The following ZNF728 variants were observed in gnomAD, a reference collection of about 807,000 sequenced individuals.
ZNF728 encodes the protein zinc finger protein 728.
ZNF728 carries 12 observed loss-of-function variants against 12.5 expected under a neutral mutation model. The ratio of observed to expected loss-of-function variants is 0.96; its 90% CI spans 0.61 to 1.55. ZNF728 has a LOEUF of 1.55. Among genes scored for constraint, ZNF728 ranks in the 40% most tolerant of loss-of-function variants. ZNF728 has a pLI of 0.00. For synonymous variants in ZNF728, 205 were observed against 240.7 expected (o/e 0.85, Z 1.37); for missense variants, 692 against 719.2 (o/e 0.96, Z 0.43).
chr19:22,991,570 C>A (rs1444263741), intron 1 of ZNF728, among the ~76,000 whole-genome samples: 1 of 152,112 alleles, frequency 6.6e-6, no homozygotes, highest in African/African-American at 2.4e-5. Flanking sequence ...AATGTTTCTG[C>A]AAGCACTGGT....
chr19:23,001,905 C>T (rs2145358391), intron 1 of ZNF728, among the ~76,000 whole-genome samples: 1 of 152,228 alleles, frequency 6.6e-6, no homozygotes, highest in African/African-American at 2.4e-5. Context: ...ACTTGAGGCC[C>T]TACTTGGGAC....
rs770182533 is a variant in ZNF728 at position 22,976,222 on chromosome 19, T to C, written c.1115A>G (p.Glu372Gly). The change falls in exon 4 of 4, where the codon GAA becomes GGA. Residue 372 changes from glutamate (E) to glycine (G), a missense_variant. Glu to Gly is a moderately conservative substitution (Grantham distance 98). Around this residue, in one of 3 missense-constraint regions of ZNF728, gnomAD observed 440 missense variants for 459.6 expected, o/e 0.96. Transcript: ENST00000594710. ...GGGCCAGCTGAAGGCTTTGCCACAT[T>C]CTTCACATTTGTAGGGTTTCTCTCC... ...HTGEKPYKCEECGKAFSWPSS... is the reference protein window; with the variant it reads ...HTGEKPYKCEGCGKAFSWPSS... 1 of 1,613,494 alleles carries C rather than the reference T, an allele frequency of 6.2e-7. No homozygotes were observed. Among genetic ancestry groups the C allele is most frequent in the Non-Finnish European group, 8.5e-7 (1 of 1,179,838 alleles).
chr19:22,988,536 A>C (rs941039982), intron 1 of ZNF728, 85 bp from the exon 2 acceptor site: 3 of 1,566,420 alleles, frequency 1.9e-6, no homozygotes. Flanking sequence ...TGGAAAGAGT[A>C]AAAAGAGCTC....
chr19:22,996,948 G>A (rs1303861580), intron 1 of ZNF728, among the ~76,000 whole-genome samples: 2 of 152,044 alleles, frequency 1.3e-5, no homozygotes, highest in African/African-American at 4.8e-5. Context: ...ATGTTTATGG[G>A]GGGAAAAGCA....
chr19:23,001,689 A>T (rs141545500), intron 1 of ZNF728, among the ~76,000 whole-genome samples: 225 of 152,376 alleles, frequency 1.5e-3, no homozygotes, highest in African/African-American at 5.2e-3. Context: ...AAATATTTAC[A>T]AACAGAAAAC....
chr19:22,983,922 T>C (rs940873689), intron 3 of ZNF728, among the ~76,000 whole-genome samples: 12 of 152,176 alleles, frequency 7.9e-5, no homozygotes, highest in African/African-American at 2.6e-4. Context: ...GGTTGATGGG[T>C]ACAGCAAACC....
rs879057613 is a variant in ZNF728, at chr19:22,976,435, G to A, written c.902C>T (p.Ala301Val). 1.9e-6 allele frequency: 3 copies of A among 1,596,584 alleles called. No individual in the cohort carries two copies. Among genetic ancestry groups the A allele is most frequent in the Non-Finnish European group, 2.6e-6 (3 of 1,174,158 alleles). The part of the protein sequence containing the change: ...KAFSKASTLT[A>V]HKTIHAGEKP... ...CTCTCCAGCATGAATTGTCTTATGT[G>A]CAGTAAGGGTTGAGGCCTTACTAAA... is the stretch of plus-strand genomic sequence containing the variant. Residue 301 changes from alanine to valine, a missense_variant, in exon 4 of 4, where the codon GCA (alanine) becomes GTA (valine). Physicochemically the swap from Ala to Val is moderately conservative, Grantham distance 64. This residue lies in a region of ZNF728 where 440 missense variants were observed against 459.6 expected (regional missense o/e 0.96). Transcript: ENST00000594710.
chr19:22,976,523 T>G lies in ZNF728; in HGVS notation c.814A>C (p.Ile272Leu). The G allele has an allele frequency of 6.2e-7, 1 of 1,612,920 alleles. No individual in the cohort carries two copies. The highest frequency in any genetic ancestry group is 8.5e-7 in the Non-Finnish European group (1 of 1,179,938). The change falls in exon 4 of 4, where the codon ATT becomes CTT. Residue 272 changes from isoleucine (I) to leucine (L), a missense_variant. Physicochemically the swap from Ile to Leu is conservative, Grantham distance 5 (BLOSUM62 2). Coordinates refer to ENST00000594710, the MANE Select transcript of ZNF728 (RefSeq NM_001267716.2). ...CCAGCATGACTTCTCTTATGTTCAA[T>G]AAGGCTTGAGGACCGGGTGAAGGCT... ...GKAFTRSSSLIEHKRSHAGEK... is the reference protein window; with the variant it reads ...GKAFTRSSSLLEHKRSHAGEK...
chr19:23,003,017 G>T lies in ZNF728; in HGVS notation c.3+11C>A, dbSNP rs777387077. 1 of 1,583,734 alleles carries T rather than the reference G, an allele frequency of 6.3e-7. No homozygotes were observed. Among genetic ancestry groups the T allele is most frequent in the Non-Finnish European group, 8.6e-7 (1 of 1,165,576 alleles). On this transcript the variant is annotated intron_variant, in intron 1 of 3. Transcript: ENST00000594710. Reference sequence around the variant, plus strand: ...GCCACTCTCTCGGGATGTCGGACCCGGCTGACTCACCATTTCTAGGCTTCC... The same window carrying T: ...GCCACTCTCTCGGGATGTCGGACCCTGCTGACTCACCATTTCTAGGCTTCC...
At chr19:22,988,650 G>C (rs1968946708) in intron 1 of ZNF728, among the ~76,000 whole-genome samples, 199 bp from the exon 2 acceptor site, 1 of 152,198 alleles carries the variant, frequency 6.6e-6, no homozygotes, top group Non-Finnish European at 1.5e-5. Flanking sequence ...AGTGGTATAA[G>C]ATCCATAACA....
At chr19:22,999,579 T>C (rs1205386790) in intron 1 of ZNF728, among the ~76,000 whole-genome samples, 1 of 152,184 alleles carries the variant, frequency 6.6e-6, no homozygotes, top group African/African-American at 2.4e-5. Flanking sequence ...AAGCTTTAAT[T>C]ACCATGTCAG....
At chr19:22,979,287 A>G (rs1275322960) in intron 3 of ZNF728, among the ~76,000 whole-genome samples, 1 of 152,224 alleles carries the variant, frequency 6.6e-6, no homozygotes, top group Non-Finnish European at 1.5e-5. Context: ...AACTTAATGA[A>G]ATAAAGCAAG....
At chr19:23,001,538 G>GT (rs1205277132) in intron 1 of ZNF728, among the ~76,000 whole-genome samples, 1 of 152,148 alleles carries the variant, frequency 6.6e-6, no homozygotes, top group African/African-American at 2.4e-5. Context: ...GGGTATCTTG[G>GT]TTTTTCCCCA....
Position 22,976,940 on chromosome 19 carries a change from G to A in ZNF728, c.397C>T (p.Leu133Phe), listed in dbSNP as rs772539426. The change falls in exon 4 of 4, where the codon CTT becomes TTT. Residue 133 changes from leucine (L) to phenylalanine (F), a missense_variant. Physicochemically the swap from Leu to Phe is conservative, Grantham distance 22. Transcript: ENST00000594710. ...CKVHKKGYNK[L>F]NQSLTTTQSK... The stretch of plus-strand genomic sequence containing the variant: ...TGTGTAGTTGTCAAACTCTGGTTAA[G>A]CTTATTATAACCTTTTTTGTGCACC... The A allele has an allele frequency of 2.7e-5, 43 of 1,613,232 alleles. No homozygotes were observed. Among genetic ancestry groups the A allele is most frequent in the Non-Finnish European group, 3.6e-5 (42 of 1,179,726 alleles).
rs1044051841 is a variant in ZNF728, at chr19:22,976,414, C to G, written c.923G>C (p.Gly308Ala). The change falls in exon 4 of 4, where the codon GGA becomes GCA. Residue 308 changes from glycine (G) to alanine (A), a missense_variant. Around this residue, in one of 3 missense-constraint regions of ZNF728, gnomAD observed 440 missense variants for 459.6 expected, o/e 0.96. Transcript: ENST00000594710. Reference sequence around the variant, plus strand: ...TTCTTCACATTTGTAGGGTTTCTCTCCAGCATGAATTGTCTTATGTGCAGT... The same window carrying G: ...TTCTTCACATTTGTAGGGTTTCTCTGCAGCATGAATTGTCTTATGTGCAGT... ...TLTAHKTIHAGEKPYKCEECG... is the reference protein window; with the variant it reads ...TLTAHKTIHAAEKPYKCEECG... The G allele has an allele frequency of 8.7e-6, 14 of 1,613,068 alleles. No homozygotes were observed. In the African/African-American group the frequency reaches 1.3e-4, roughly 15 times the overall value.
intron 1 of ZNF728, among the ~76,000 whole-genome samples, chr19:22,999,312 C>T (rs1326600391): frequency 1.3e-5 from 2 of 151,818 alleles, no homozygotes; most frequent in Non-Finnish European, 2.9e-5. Flanking sequence ...TCTCTCAAAA[C>T]TGCCTCAAAA....
At chr19:22,991,213 G>A (rs1568277225) in intron 1 of ZNF728, among the ~76,000 whole-genome samples, 1 of 152,210 alleles carries the variant, frequency 6.6e-6, no homozygotes, top group Non-Finnish European at 1.5e-5. Context: ...AAAACAACAT[G>A]TGCACATGTA....
chr19:22,986,606 A>T (rs1239309007), intron 3 of ZNF728, among the ~76,000 whole-genome samples: 2 of 152,146 alleles, frequency 1.3e-5, no homozygotes, highest in African/African-American at 4.8e-5. Context: ...AACACAAATA[A>T]ATTGAAATAT....
At chr19:22,987,470 C>T (rs1334428075) in intron 2 of ZNF728, 67 bp from the exon 3 acceptor site, 8 of 1,414,922 alleles carry the variant, frequency 5.7e-6, no homozygotes, top group Non-Finnish European at 7.6e-6. Context: ...TAGTAATGTG[C>T]TCAGTAAAGA....
Sources: allele counts gnomAD v4.1 joint callset (sites outside exome capture counted in the v4.1 genomes callset), GRCh38; gene constraint gnomAD v4.1.1; regional missense constraint gnomAD v4.1.1; transcripts MANE v1.5; gene names NCBI Gene and HGNC (gene_info 2026-07-23, HGNC 2026-07-21).